The following ZBTB20 variants were observed in gnomAD, a reference collection of about 807,000 sequenced individuals.
The protein encoded by ZBTB20 is zinc finger and BTB domain-containing protein 20.
Under a neutral mutation model 56.9 loss-of-function variants are expected in ZBTB20, and 9 were observed. The ratio of observed to expected loss-of-function variants is 0.16; its 90% CI spans 0.10 to 0.28. The LOEUF (loss-of-function observed/expected upper bound fraction) is 0.28, where lower values mean the gene tolerates loss of function less well. Among genes scored for constraint, ZBTB20 ranks in the 10% least tolerant of loss-of-function variants. ZBTB20 has a pLI of 1.00. For missense variants in ZBTB20, 655 were observed against 1,003.0 expected (o/e 0.65, Z 4.69); for synonymous variants, 417 against 420.7 (o/e 0.99, Z 0.11).
intron 6 of ZBTB20, among the ~76,000 whole-genome samples, chr3:114,672,341 T>A (rs1328006239): frequency 2.0e-5 from 3 of 152,140 alleles, no homozygotes. Flanking sequence ...AATCCAGCTT[T>A]TATTTTGGTG....
chr3:115,022,961 G>T (rs2080266654), intron 2 of ZBTB20, among the ~76,000 whole-genome samples: 1 of 150,970 alleles, frequency 6.6e-6, no homozygotes. Context: ...TGTGCGAGAT[G>T]CTGAGACAAA....
At chr3:114,585,749 A>C (rs2055118045) in intron 6 of ZBTB20, among the ~76,000 whole-genome samples, 1 of 152,192 alleles carries the variant, frequency 6.6e-6, no homozygotes. Flanking sequence ...TAATAAAATG[A>C]AGGTCAAAAT....
intron 4 of ZBTB20, among the ~76,000 whole-genome samples, chr3:114,838,073 G>C (rs781130409): frequency 2.0e-5 from 3 of 152,142 alleles, no homozygotes; most frequent in Admixed American, 6.5e-5. Flanking sequence ...TAGCAGTACA[G>C]CCTCAGTTTC....
chr3:114,591,965 C>A (rs2055812983), intron 6 of ZBTB20, among the ~76,000 whole-genome samples: 1 of 152,084 alleles, frequency 6.6e-6, no homozygotes, highest in Non-Finnish European at 1.5e-5. Context: ...CTTGCCTATT[C>A]CTTAAAATAT....
rs975437512 is a variant in ZBTB20 at position 114,328,429 on chromosome 3, T to A, written c.*10576A>T. 4 of 152,086 alleles carry A rather than the reference T, an allele frequency of 2.6e-5. No individual in the cohort carries two copies. The highest frequency in any genetic ancestry group is 9.7e-5 in the African/African-American group (4 of 41,424). 9.4% of individuals were successfully genotyped at this position (152,086 alleles called of 1,614,324 possible). A position where few individuals can be genotyped will look rare whatever the true frequency, so the allele number is the denominator to read the frequency against. On this transcript the variant is annotated 3_prime_UTR_variant, in exon 12 of 12. Coordinates refer to ENST00000675478, the MANE Select transcript of ZBTB20 (RefSeq NM_001348800.3). Reference sequence around the variant, plus strand: ...CAAGTAATTTGACTAGTGGAAACAGTCAACATTAATGATTCTTTTTTTCTC... The same window carrying A: ...CAAGTAATTTGACTAGTGGAAACAGACAACATTAATGATTCTTTTTTTCTC...
intron 6 of ZBTB20, among the ~76,000 whole-genome samples, chr3:114,584,214 GAAGA>G (rs1192615211): frequency 6.6e-6 from 1 of 151,976 alleles, no homozygotes; most frequent in Non-Finnish European, 1.5e-5. Context: ...ATCTGAATAG[GAAGA>G]AAGACTTTTT....
At position 115,003,300 on chromosome 3, in the gene ZBTB20, C is replaced by T. The variant is rs188334675; in HGVS notation, c.-506-28884G>A. Among the ~76,000 whole-genome samples, 20 of 151,598 alleles carry T rather than the reference C, an allele frequency of 1.3e-4. No homozygotes were observed. In the East Asian group the frequency reaches 2.9e-3, roughly 22 times the overall value. On this transcript the variant is annotated intron_variant, in intron 2 of 11. Transcript: ENST00000675478. The stretch of plus-strand genomic sequence containing the variant: ...CTAATGTACTATAGTTATAATAATG[C>T]ATCAATATTGGTTCATTAGTTGTAA...
chr3:114,405,583 T>C (rs546041536), intron 7 of ZBTB20, among the ~76,000 whole-genome samples: 6 of 152,296 alleles, frequency 3.9e-5, no homozygotes, highest in Non-Finnish European at 7.4e-5. Flanking sequence ...TGTATATTTA[T>C]ATATCAATAT....
intron 6 of ZBTB20, among the ~76,000 whole-genome samples, chr3:114,673,756 G>C (rs914286992): frequency 6.6e-5 from 10 of 152,098 alleles, no homozygotes; most frequent in African/African-American, 2.2e-4. Flanking sequence ...TCTCATCAGT[G>C]CAACATCTAA....
At chr3:114,420,321 A>T (rs1188554553) in intron 7 of ZBTB20, among the ~76,000 whole-genome samples, 1 of 152,128 alleles carries the variant, frequency 6.6e-6, no homozygotes, top group African/African-American at 2.4e-5. Context: ...AGAAAGAAAC[A>T]TCCTTGGAGT....
intron 7 of ZBTB20, among the ~76,000 whole-genome samples, chr3:114,427,340 T>TA (rs1259606817): frequency 1.3e-5 from 2 of 152,220 alleles, no homozygotes; most frequent in Non-Finnish European, 2.9e-5. Context: ...CTCTGTAATA[T>TA]ATCTGTCTTG....
intron 4 of ZBTB20, among the ~76,000 whole-genome samples, chr3:114,887,553 T>C (rs1014976479): frequency 1.3e-5 from 2 of 151,958 alleles, no homozygotes; most frequent in Non-Finnish European, 2.9e-5. Context: ...GAAGGTGCTG[T>C]AAAGATGAAG....
At chr3:114,754,087 G>T (rs2067814297) in intron 5 of ZBTB20, among the ~76,000 whole-genome samples, 1 of 151,972 alleles carries the variant, frequency 6.6e-6, no homozygotes, top group South Asian at 2.1e-4. Context: ...TCAATTTCTG[G>T]CGCTGCTGTA....
chr3:114,694,817 G>C (rs897589561), intron 5 of ZBTB20, among the ~76,000 whole-genome samples: 1 of 152,050 alleles, frequency 6.6e-6, no homozygotes, highest in Non-Finnish European at 1.5e-5. Flanking sequence ...GAACCTCTAG[G>C]AAAGATGTAA....
rs532896933 is a variant in ZBTB20 at position 115,017,872 on chromosome 3, G to A, written c.-506-43456C>T. On this transcript the variant is annotated intron_variant, in intron 2 of 11. Coordinates refer to ENST00000675478, the MANE Select transcript of ZBTB20 (RefSeq NM_001348800.3). ...ACACATACATATATACAACACATAT[G>A]CACATACTAAATAATCACACAAATA... is the stretch of plus-strand genomic sequence containing the variant. Among the ~76,000 whole-genome samples the A allele has an allele frequency of 2.6e-5, 4 of 151,514 alleles. No individual in the cohort carries two copies. The South Asian group carries it at 8.3e-4, about 31-fold the overall frequency.
intron 4 of ZBTB20, among the ~76,000 whole-genome samples, chr3:114,812,483 G>A (rs1042113431): frequency 3.2e-4 from 49 of 152,090 alleles, no homozygotes; most frequent in African/African-American, 1.1e-3. Flanking sequence ...GTGCCGATTG[G>A]TGTATTTACA....
intron 6 of ZBTB20, among the ~76,000 whole-genome samples, chr3:114,648,366 G>C (rs2059958307): frequency 6.6e-6 from 1 of 151,822 alleles, no homozygotes. Context: ...TAATTTCAAA[G>C]ATTTAATGAG....
At chr3:114,392,434 A>G (rs1386138594) in intron 7 of ZBTB20, among the ~76,000 whole-genome samples, 1 of 152,224 alleles carries the variant, frequency 6.6e-6, no homozygotes, top group Non-Finnish European at 1.5e-5. Flanking sequence ...ATTAAAAACA[A>G]ATAAAATGTT....
chr3:114,555,662 T>G (rs867838991), intron 6 of ZBTB20, among the ~76,000 whole-genome samples: 1 of 152,114 alleles, frequency 6.6e-6, no homozygotes, highest in Non-Finnish European at 1.5e-5. Context: ...TCAGTGCCCC[T>G]GTGGAAGAGT....
Sources: allele counts gnomAD v4.1 joint callset (sites outside exome capture counted in the v4.1 genomes callset), GRCh38; gene constraint gnomAD v4.1.1; transcripts MANE v1.5; gene names NCBI Gene and HGNC (gene_info 2026-07-23, HGNC 2026-07-21).